The following VMP1 variants were observed in gnomAD, a reference collection of about 807,000 sequenced individuals.
VMP1 encodes vacuole membrane protein 1.
A neutral mutation model predicts 56.0 loss-of-function variants in VMP1; 11 were observed. The observed-to-expected ratio is 0.20, with a 90% CI of 0.12 to 0.32. The LOEUF is 0.32. Ranked by LOEUF, VMP1 falls within the 10% of genes least tolerant of loss-of-function variation. The pLI is 1.00. For missense variants in VMP1, 296 were observed against 490.3 expected, an observed-to-expected ratio of 0.60 and a Z score of 3.74; for synonymous variants, 149 against 165.0, an observed-to-expected ratio of 0.90 and a Z score of 0.74.
intron 10 of VMP1, among the ~76,000 whole-genome samples, chr17:59,823,623 G>A (rs1463318695): frequency 1.3e-5 from 2 of 150,924 alleles, no homozygotes; most frequent in Admixed American, 6.6e-5. Context: ...GTGGTGGACG[G>A]CACCTGTATC....
chr17:59,743,730 T>A (rs1157933821), intron 5 of VMP1, among the ~76,000 whole-genome samples: 3 of 151,976 alleles, frequency 2.0e-5, no homozygotes, highest in Non-Finnish European at 4.4e-5. Flanking sequence ...TTGGCTTTTT[T>A]AAGGTTGTTT....
chr17:59,775,064 C>T (rs1287981583), intron 7 of VMP1, among the ~76,000 whole-genome samples: 1 of 152,060 alleles, frequency 6.6e-6, no homozygotes, highest in African/African-American at 2.4e-5. Flanking sequence ...GCCTCAGCCT[C>T]CCGAGTAGCT....
At chr17:59,731,913 A>G (rs1477321086) in intron 2 of VMP1, among the ~76,000 whole-genome samples, 1 of 152,202 alleles carries the variant, frequency 6.6e-6, no homozygotes, top group African/African-American at 2.4e-5. Context: ...AATTTATTTT[A>G]AAATTATCGT....
intron 3 of VMP1, 113 bp from the exon 4 acceptor site, chr17:59,737,340 G>C (rs2035053633): frequency 6.1e-6 from 6 of 975,804 alleles, no homozygotes; most frequent in Middle Eastern, 3.0e-4. Context: ...AAGGAAAAGA[G>C]CTCAGCCCAG....
At chr17:59,803,351 TTA>T (rs537121740) in intron 7 of VMP1, among the ~76,000 whole-genome samples, 108 of 152,350 alleles carry the variant, frequency 7.1e-4, no homozygotes, top group Middle Eastern at 3.4e-3. Flanking sequence ...TGACTTTTTT[TTA>T]TTAGTCTTGT....
intron 5 of VMP1, among the ~76,000 whole-genome samples, chr17:59,760,194 G>C (rs749214950): frequency 2.6e-5 from 4 of 151,112 alleles, no homozygotes; most frequent in African/African-American, 7.3e-5. Flanking sequence ...CTTACAGGGT[G>C]AACAATGAAG....
In VMP1 at chr17:59,809,484, A is replaced by ATTTTTTTTTTT. The variant is rs71145575; in HGVS notation, c.795+638_795+648dup. On this transcript the variant is annotated intron_variant, in intron 8 of 11. Coordinates refer to ENST00000262291, the MANE Select transcript of VMP1 (RefSeq NM_030938.5). The stretch of plus-strand genomic sequence containing the variant: ...AGGCGACTGCCACCACACCCAGCTA[A>ATTTTTTTTTTT]TTTTTTTTTTTTTTTTTTTTTTTTT... Among the ~76,000 whole-genome samples, 4 of 52,716 alleles carry ATTTTTTTTTTT rather than the reference A, an allele frequency of 7.6e-5. 1 individual carries two copies. The highest frequency in any genetic ancestry group is 1.0e-4 in the African/African-American group (1 of 9,802). 34.6% of individuals were successfully genotyped at this position (52,716 alleles called of 152,430 possible).
intron 8 of VMP1, among the ~76,000 whole-genome samples, chr17:59,811,156 G>A (rs570870167): frequency 6.6e-6 from 1 of 152,222 alleles, no homozygotes; most frequent in South Asian, 2.1e-4. Flanking sequence ...ACCCATAAAT[G>A]TATTTGAGAA....
intron 10 of VMP1, among the ~76,000 whole-genome samples, chr17:59,830,142 A>G (rs1336586390): frequency 1.3e-5 from 2 of 152,166 alleles, no homozygotes; most frequent in Non-Finnish European, 2.9e-5. Flanking sequence ...GACAGGGGCT[A>G]GCTCTGTTGC....
At chr17:59,761,270 C>T (rs954388673) in intron 5 of VMP1, among the ~76,000 whole-genome samples, 10 of 152,202 alleles carry the variant, frequency 6.6e-5, no homozygotes, top group Admixed American at 5.2e-4. Context: ...TGGATTGATA[C>T]TTTTCATCAA....
At chr17:59,715,514 C>T (rs905090185) in intron 1 of VMP1, among the ~76,000 whole-genome samples, 1 of 152,188 alleles carries the variant, frequency 6.6e-6, no homozygotes, top group African/African-American at 2.4e-5. Context: ...CCAATCACCT[C>T]CCTCCCTCAA....
intron 7 of VMP1, among the ~76,000 whole-genome samples, chr17:59,807,971 T>C (rs1301332057): frequency 6.6e-6 from 1 of 152,200 alleles, no homozygotes; most frequent in Non-Finnish European, 1.5e-5. Context: ...TCTTATGAAC[T>C]ATTTTCATTG....
At chr17:59,796,383 G>A (rs866519735) in intron 7 of VMP1, among the ~76,000 whole-genome samples, 88 of 152,076 alleles carry the variant, frequency 5.8e-4, no homozygotes, top group African/African-American at 2.0e-3. Context: ...ACAATATTTG[G>A]CATGTAGTAA....
At chr17:59,818,038 T>C (rs952729550) in intron 10 of VMP1, among the ~76,000 whole-genome samples, 1 of 152,170 alleles carries the variant, frequency 6.6e-6, no homozygotes, top group Admixed American at 6.6e-5. Flanking sequence ...GGGGTTTGAA[T>C]CTGTAGCCCC....
intron 7 of VMP1, among the ~76,000 whole-genome samples, chr17:59,808,453 G>A (rs2037925328): frequency 6.6e-6 from 1 of 152,180 alleles, no homozygotes; most frequent in Non-Finnish European, 1.5e-5. Flanking sequence ...ATAGAAGAAA[G>A]GAAAAGGTAG....
intron 5 of VMP1, among the ~76,000 whole-genome samples, chr17:59,759,859 C>G (rs1328112804): frequency 1.4e-5 from 2 of 143,718 alleles, no homozygotes; most frequent in African/African-American, 5.1e-5. Context: ...TTCTTTTGGA[C>G]TGAGGATTTT....
chr17:59,787,112 CTA>C (rs2037031965), intron 7 of VMP1, among the ~76,000 whole-genome samples: 1 of 152,138 alleles, frequency 6.6e-6, no homozygotes, highest in South Asian at 2.1e-4. Context: ...GATATTTTGA[CTA>C]TTCGCACAGT....
intron 5 of VMP1, among the ~76,000 whole-genome samples, chr17:59,752,068 C>T (rs1382049869): frequency 6.6e-6 from 1 of 152,154 alleles, no homozygotes; most frequent in Non-Finnish European, 1.5e-5. Context: ...TCGCCTCAGC[C>T]TCCTAAAGTG....
At chr17:59,789,779 T>G (rs900650227) in intron 7 of VMP1, among the ~76,000 whole-genome samples, 1 of 151,752 alleles carries the variant, frequency 6.6e-6, no homozygotes, top group African/African-American at 2.4e-5. Context: ...ATGATCAATC[T>G]GCAGTTCTTT....
Sources: gnomAD v4.1 joint callset for allele counts (sites outside exome capture counted in the v4.1 genomes callset) on GRCh38, gnomAD v4.1.1 for gene constraint, MANE v1.5 for transcripts, NCBI Gene and HGNC (gene_info 2026-07-23, HGNC 2026-07-21) for gene names.